Variants in DCC observed in about 807,000 individuals in gnomAD.
The protein encoded by DCC is DCC netrin 1 receptor.
A neutral mutation model predicts 172.5 loss-of-function variants in DCC; 58 were observed. The ratio of observed to expected loss-of-function variants is 0.34; its 90% CI spans 0.27 to 0.42. DCC has a LOEUF of 0.42. Among genes scored for constraint, DCC ranks in the 10% least tolerant of loss-of-function variants. The pLI is 1.00. For synonymous variants in DCC, 709 were observed against 644.5 expected, an observed-to-expected ratio of 1.10 and a Z score of -1.52; for missense variants, 1,740 against 1,791.0, an observed-to-expected ratio of 0.97 and a Z score of 0.51.
Position 53,153,453 on chromosome 18 carries a change from A to G in DCC, c.1262-3903A>G, listed in dbSNP as rs186838332. 1.9e-4 allele frequency among the ~76,000 whole-genome samples: 29 copies of G among 152,234 alleles called. No homozygotes were observed. The East Asian group carries it at 5.4e-3, about 28-fold the overall frequency. On this transcript the variant is annotated intron_variant, in intron 7 of 28. Coordinates refer to ENST00000442544, the MANE Select transcript of DCC (RefSeq NM_005215.4). ...ATTTACTTCTGAACATGTAGTGCTCACACACACTTCAACTGAGAGCCTGTG... is the reference window on the plus strand; with the variant it reads ...ATTTACTTCTGAACATGTAGTGCTCGCACACACTTCAACTGAGAGCCTGTG...
intron 13 of DCC, among the ~76,000 whole-genome samples, chr18:53,318,515 G>A (rs532964645): frequency 6.6e-6 from 1 of 152,252 alleles, no homozygotes; most frequent in Non-Finnish European, 1.5e-5. Context: ...GTCCAGAGCC[G>A]AGTTCAAGTC....
At chr18:53,080,202 T>G (rs2144132490) in intron 7 of DCC, among the ~76,000 whole-genome samples, 1 of 152,124 alleles carries the variant, frequency 6.6e-6, no homozygotes, top group African/African-American at 2.4e-5. Context: ...GAGATTGAGA[T>G]GAATATGTGC....
chr18:52,555,961 T>A (rs961778908), intron 1 of DCC, among the ~76,000 whole-genome samples: 3 of 152,170 alleles, frequency 2.0e-5, no homozygotes, highest in Non-Finnish European at 4.4e-5. Flanking sequence ...ATTGTGTGAA[T>A]GTTTGCTCTA....
intron 15 of DCC, among the ~76,000 whole-genome samples, chr18:53,347,200 G>GT (rs2057735950): frequency 1.3e-5 from 2 of 152,212 alleles, no homozygotes. Context: ...ACAGCTGACA[G>GT]TACTGGGGTG....
At chr18:52,406,176 T>C (rs28627527) in intron 1 of DCC, among the ~76,000 whole-genome samples, 1 of 149,676 alleles carries the variant, frequency 6.7e-6, no homozygotes, top group South Asian at 2.2e-4. Context: ...TCAATTCAAG[T>C]TGGATTGAAG....
chr18:52,769,708 A>G (rs1254536936), intron 2 of DCC, among the ~76,000 whole-genome samples: 1 of 152,134 alleles, frequency 6.6e-6, no homozygotes. Context: ...TTCTAGTTTT[A>G]TAGTTTCATA....
intron 1 of DCC, among the ~76,000 whole-genome samples, chr18:52,381,673 C>G (rs1030921720): frequency 2.0e-5 from 3 of 152,084 alleles, no homozygotes; most frequent in African/African-American, 7.2e-5. Flanking sequence ...TCTCAACAAA[C>G]GGGATCAATA....
At chr18:53,364,030 A>G (rs1422283271) in intron 15 of DCC, among the ~76,000 whole-genome samples, 1 of 152,234 alleles carries the variant, frequency 6.6e-6, no homozygotes, top group Non-Finnish European at 1.5e-5. Context: ...TGGAGCATTA[A>G]TGTGTTTGGA....
chr18:53,522,025 C>A lies in DCC; in HGVS notation c.4112-4592C>A, dbSNP rs2046404166. On this transcript the variant is annotated intron_variant, in intron 27 of 28. Coordinates refer to ENST00000442544, the MANE Select transcript of DCC (RefSeq NM_005215.4). ...CAAGCATTCTTGAAGGGCATACAAA[C>A]AAAATTCAGGCAACACAATTCAAAA... is the stretch of plus-strand genomic sequence containing the variant. 1.3e-5 allele frequency among the ~76,000 whole-genome samples: 2 copies of A among 152,068 alleles called. 1 individual carries two copies. Among genetic ancestry groups the A allele is most frequent in the South Asian group, 4.1e-4 (2 of 4,826 alleles).
intron 2 of DCC, among the ~76,000 whole-genome samples, chr18:52,771,068 GA>G (rs1358486583): frequency 1.3e-5 from 2 of 152,058 alleles, no homozygotes; most frequent in Non-Finnish European, 2.9e-5. Flanking sequence ...TTTCTTTTCA[GA>G]AAGCAGTTTT....
chr18:53,212,927 C>A (rs2055780804), intron 11 of DCC, among the ~76,000 whole-genome samples: 1 of 152,116 alleles, frequency 6.6e-6, no homozygotes, highest in Admixed American at 6.5e-5. Flanking sequence ...CTCCCTCGGG[C>A]TCCCAAAGTG....
intron 1 of DCC, among the ~76,000 whole-genome samples, chr18:52,733,569 A>G (rs1196757722): frequency 2.6e-5 from 4 of 152,070 alleles, no homozygotes; most frequent in Admixed American, 2.6e-4. Flanking sequence ...ATCATAACAC[A>G]TTGCAGCCTC....
chr18:53,149,206 T>C (rs2054308255), intron 7 of DCC, among the ~76,000 whole-genome samples: 1 of 152,062 alleles, frequency 6.6e-6, no homozygotes, highest in Non-Finnish European at 1.5e-5. Context: ...AGACAGCCAT[T>C]AAGAAACTGG....
At chr18:53,454,785 A>C (rs941674976) in intron 23 of DCC, among the ~76,000 whole-genome samples, 1 of 152,180 alleles carries the variant, frequency 6.6e-6, no homozygotes, top group Non-Finnish European at 1.5e-5. Context: ...TAACTATTAT[A>C]GGTCACTTTT....
At chr18:53,139,206 T>C (rs1217816606) in intron 7 of DCC, among the ~76,000 whole-genome samples, 1 of 152,158 alleles carries the variant, frequency 6.6e-6, no homozygotes, top group Non-Finnish European at 1.5e-5. Context: ...TACTGGCCAA[T>C]GTTTGTGACT....
intron 12 of DCC, among the ~76,000 whole-genome samples, chr18:53,292,229 G>A (rs974977594): frequency 1.3e-5 from 2 of 151,784 alleles, no homozygotes; most frequent in South Asian, 4.2e-4. Flanking sequence ...AAAGCCCAGC[G>A]GGCAGGAAGG....
chr18:53,310,841 A>C (rs1311102442), intron 13 of DCC, among the ~76,000 whole-genome samples: 2 of 152,204 alleles, frequency 1.3e-5, no homozygotes, highest in Non-Finnish European at 1.5e-5. Context: ...ATAGAACATA[A>C]GAATTACAAA....
chr18:52,343,283 G>A (rs150908350), intron 1 of DCC, among the ~76,000 whole-genome samples: 1 of 152,300 alleles, frequency 6.6e-6, no homozygotes, highest in East Asian at 1.9e-4. Flanking sequence ...CTCTATAAAA[G>A]GACCAGTAGG....
At chr18:52,593,398 G>A (rs1187340646) in intron 1 of DCC, among the ~76,000 whole-genome samples, 4 of 152,166 alleles carry the variant, frequency 2.6e-5, no homozygotes, top group Admixed American at 2.6e-4. Context: ...TTCATGTCAA[G>A]ACTTTGGGTT....
Sources: allele counts gnomAD v4.1 joint callset (sites outside exome capture counted in the v4.1 genomes callset), GRCh38; gene constraint gnomAD v4.1.1; transcripts MANE v1.5; gene names NCBI Gene and HGNC (gene_info 2026-07-23, HGNC 2026-07-21).